The following EEA1 variants were observed in gnomAD, a reference collection of about 807,000 sequenced individuals.
The protein encoded by EEA1 is early endosome antigen 1.
EEA1 carries 111 observed loss-of-function variants against 209.2 expected under a neutral mutation model. The ratio of observed to expected loss-of-function variants is 0.53; its 90% CI spans 0.45 to 0.62. The LOEUF is 0.62. Ranked by LOEUF, EEA1 falls within the 20% of genes least tolerant of loss-of-function variation. The pLI is 0.00. For missense variants in EEA1, 1,343 were observed against 1,530.8 expected, an observed-to-expected ratio of 0.88 and a Z score of 2.05; for synonymous variants, 536 against 540.6, an observed-to-expected ratio of 0.99 and a Z score of 0.12.
chr12:92,868,939 A>C (rs1395160735), intron 2 of EEA1, among the ~76,000 whole-genome samples: 2 of 152,144 alleles, frequency 1.3e-5, no homozygotes, highest in Non-Finnish European at 2.9e-5. Flanking sequence ...TTCAACAGTC[A>C]TTACTAAAAA....
intron 2 of EEA1, among the ~76,000 whole-genome samples, chr12:92,881,741 C>T (rs1180088633): frequency 6.6e-6 from 1 of 152,174 alleles, no homozygotes; most frequent in African/African-American, 2.4e-5. Context: ...AAGACATTTA[C>T]TTCTAGCAAT....
chr12:92,901,906 T>G (rs1345252731), intron 1 of EEA1, among the ~76,000 whole-genome samples: 1 of 152,182 alleles, frequency 6.6e-6, no homozygotes, highest in Admixed American at 6.5e-5. Flanking sequence ...TAAAATTCCT[T>G]TATTTCAAGG....
chr12:92,787,975 T>A lies in EEA1; in HGVS notation c.3042A>T (p.Ile1014=), dbSNP rs371386535. 6.4e-5 allele frequency: 103 copies of A among 1,613,206 alleles called. No individual in the cohort carries two copies. Among genetic ancestry groups the A allele is most frequent in the Non-Finnish European group, 8.5e-5 (100 of 1,179,644 alleles). ...AQELAAEKEK[I]SVLQNNYEKS... ...TTTCATAGTTGTTTTGTAATACTGA[T>A]ATTTTCTCTTTCTCTGCTGCAAGTT... The change falls in exon 22 of 29, where the codon ATA becomes ATT. Residue 1014 remains isoleucine, a synonymous_variant. Coordinates refer to ENST00000322349, the MANE Select transcript of EEA1 (RefSeq NM_003566.4).
At chr12:92,865,101 T>C (rs1256599738) in intron 2 of EEA1, 114 bp from the exon 3 acceptor site, 2 of 774,984 alleles carry the variant, frequency 2.6e-6, no homozygotes, top group Non-Finnish European at 3.7e-6. Context: ...TGCCATTAGG[T>C]AAATTTTATC....
At chr12:92,839,034 T>C (rs1402409790) in intron 10 of EEA1, among the ~76,000 whole-genome samples, 2 of 152,210 alleles carry the variant, frequency 1.3e-5, no homozygotes, top group Middle Eastern at 3.2e-3. Flanking sequence ...TTGCCAGTGA[T>C]AAAACTCAAG....
chr12:92,813,656 T>G (rs1320987299), intron 15 of EEA1, among the ~76,000 whole-genome samples: 2 of 152,230 alleles, frequency 1.3e-5, no homozygotes, highest in Non-Finnish European at 2.9e-5. Flanking sequence ...AAGATCTATC[T>G]TGTTATCAAA....
At chr12:92,856,581 T>C (rs1816724591) in intron 5 of EEA1, among the ~76,000 whole-genome samples, 1 of 151,662 alleles carries the variant, frequency 6.6e-6, no homozygotes, top group African/African-American at 2.4e-5. Context: ...TTACTAGCTA[T>C]TTATAGCTAG....
intron 13 of EEA1, among the ~76,000 whole-genome samples, chr12:92,823,327 C>G (rs1015174876): frequency 5.9e-5 from 9 of 152,192 alleles, no homozygotes; most frequent in African/African-American, 2.2e-4. Flanking sequence ...AATGCTCTGA[C>G]TTCTTTAAGT....
At chr12:92,834,069 G>A (rs1245176872) in intron 10 of EEA1, among the ~76,000 whole-genome samples, 2 of 152,032 alleles carry the variant, frequency 1.3e-5, no homozygotes, top group Non-Finnish European at 2.9e-5. Context: ...AGTTTCAGGT[G>A]GGGTGACAGC....
intron 1 of EEA1, among the ~76,000 whole-genome samples, chr12:92,914,472 A>C (rs1880690557): frequency 6.6e-6 from 1 of 151,994 alleles, no homozygotes; most frequent in Non-Finnish European, 1.5e-5. Flanking sequence ...TTTTGGTTCC[A>C]CACGAATTTT....
intron 2 of EEA1, among the ~76,000 whole-genome samples, chr12:92,876,314 C>CTTTGGG (rs1878882264): frequency 6.6e-6 from 1 of 152,072 alleles, no homozygotes; most frequent in African/African-American, 2.4e-5. Context: ...CCTCCCACCA[C>CTTTGGG]AGCCTCCCAA....
At chr12:92,854,560 A>G (rs1877783652) in intron 5 of EEA1, among the ~76,000 whole-genome samples, 1 of 152,232 alleles carries the variant, frequency 6.6e-6, no homozygotes, top group African/African-American at 2.4e-5. Flanking sequence ...CAAAATACAT[A>G]TTAACCAAAG....
intron 2 of EEA1, among the ~76,000 whole-genome samples, chr12:92,876,702 T>C (rs1033442179): frequency 6.6e-6 from 1 of 151,610 alleles, no homozygotes; most frequent in Non-Finnish European, 1.5e-5. Flanking sequence ...GATTAGCTTA[T>C]GGAAAAGCCC....
At chr12:92,836,425 T>C (rs1476580190) in intron 10 of EEA1, among the ~76,000 whole-genome samples, 3 of 152,152 alleles carry the variant, frequency 2.0e-5, no homozygotes, top group African/African-American at 4.8e-5. Context: ...TTACGCTCCA[T>C]TTTTCATTTG....
intron 22 of EEA1, among the ~76,000 whole-genome samples, chr12:92,786,166 G>A (rs1365016939): frequency 1.3e-5 from 2 of 151,936 alleles, no homozygotes; most frequent in African/African-American, 2.4e-5. Flanking sequence ...CACCACCATC[G>A]TCTTGCACTT....
intron 2 of EEA1, among the ~76,000 whole-genome samples, chr12:92,873,006 G>C (rs950310163): frequency 6.6e-6 from 1 of 152,136 alleles, no homozygotes; most frequent in African/African-American, 2.4e-5. Context: ...GCATCAGGGA[G>C]AAAGTAAATA....
At chr12:92,798,339 A>T (rs1171081057) in intron 21 of EEA1, among the ~76,000 whole-genome samples, 4 of 137,708 alleles carry the variant, frequency 2.9e-5, no homozygotes, top group African/African-American at 1.1e-4. Flanking sequence ...GTGTTACATT[A>T]TTATTATTAT....
rs1031380788 is a variant in EEA1 at position 92,771,697 on chromosome 12, T to G, written c.*4314A>C. 1 of 151,904 alleles carries G rather than the reference T, an allele frequency of 6.6e-6. No homozygotes were observed. Among genetic ancestry groups the G allele is most frequent in the Non-Finnish European group, 1.5e-5 (1 of 67,884 alleles). 9.4% of individuals were successfully genotyped at this position (151,904 alleles called of 1,614,324 possible). Reference sequence around the variant, plus strand: ...AAAGAAATTTCTGGTTAAAAAAAATTTTTACATTAACAATCATCTTGCAAA... The same window carrying G: ...AAAGAAATTTCTGGTTAAAAAAAATGTTTACATTAACAATCATCTTGCAAA... On this transcript the variant is annotated 3_prime_UTR_variant, in exon 29 of 29. Transcript: ENST00000322349.
rs538576413 is a variant in EEA1 at position 92,775,127 on chromosome 12, C to G, written c.*884G>C. The stretch of plus-strand genomic sequence containing the variant: ...AAGGGTATGATATGAAGGCTGATCT[C>G]AAAAGACTTCCCACTTACAAGAAAC... On this transcript the variant is annotated 3_prime_UTR_variant, in exon 29 of 29. Transcript: ENST00000322349. The G allele has an allele frequency of 2.0e-5, 3 of 151,762 alleles. No homozygotes were observed. Among genetic ancestry groups the G allele is most frequent in the Admixed American group, 2.0e-4 (3 of 15,210 alleles). 9.4% of individuals were successfully genotyped at this position (151,762 alleles called of 1,614,324 possible).
Sources: allele counts gnomAD v4.1 joint callset (sites outside exome capture counted in the v4.1 genomes callset), GRCh38; gene constraint gnomAD v4.1.1; transcripts MANE v1.5; gene names NCBI Gene and HGNC (gene_info 2026-07-23, HGNC 2026-07-21).